The following COQ9 variants were observed in gnomAD, a reference collection of about 807,000 sequenced individuals.
The protein encoded by COQ9 is ubiquinone biosynthesis protein COQ9, mitochondrial.
Under a neutral mutation model 42.4 loss-of-function variants are expected in COQ9, and 35 were observed. That is an observed-to-expected ratio of 0.83 (90% confidence interval 0.63 to 1.10). The LOEUF is 1.10. COQ9 is among the 50% of genes least tolerant of loss of function. COQ9 has a pLI of 0.00. For missense variants in COQ9, 406 were observed against 414.6 expected (o/e 0.98, Z 0.18); for synonymous variants, 155 against 155.1 (o/e 1.00, Z 0.00).
rs2030523165 is a variant in COQ9 at position 57,460,963 on chromosome 16, G to A, written c.*339G>A. ...ACAATCTCATGGGCACCTTGATCAT[G>A]TCTTAACCTTCCCTTAACCTTGGGG... is the stretch of plus-strand genomic sequence containing the variant. On this transcript the variant is annotated 3_prime_UTR_variant, in exon 9 of 9. Coordinates refer to ENST00000262507, the MANE Select transcript of COQ9 (RefSeq NM_020312.4). 2.6e-6 allele frequency: 1 copy of A among 379,444 alleles called. No individual in the cohort carries two copies. The highest frequency in any genetic ancestry group is 5.1e-6 in the Non-Finnish European group (1 of 196,320). 23.5% of individuals were successfully genotyped at this position (379,444 alleles called of 1,614,324 possible).
rs555283140 is a variant in COQ9 at position 57,448,235 on chromosome 16, T to C, written c.73+657T>C. Among the ~76,000 whole-genome samples, 4 of 152,358 alleles carry C rather than the reference T, an allele frequency of 2.6e-5. No individual in the cohort carries two copies. The East Asian group carries it at 5.8e-4, about 22-fold the overall frequency. On this transcript the variant is annotated intron_variant, in intron 1 of 8. Coordinates refer to ENST00000262507, the MANE Select transcript of COQ9 (RefSeq NM_020312.4). Reference sequence around the variant, plus strand: ...CCTCAGTGGTACTACAGTCATACTTTGCATCTGCTCCTTCCTTTTCAAAGT... The same window carrying C: ...CCTCAGTGGTACTACAGTCATACTTCGCATCTGCTCCTTCCTTTTCAAAGT...
intron 2 of COQ9, among the ~76,000 whole-genome samples, chr16:57,451,652 A>G (rs373010748): frequency 2.6e-4 from 40 of 152,378 alleles, no homozygotes; most frequent in African/African-American, 9.4e-4. Flanking sequence ...CTTATTTCAT[A>G]TGTAAATTTT....
Position 57,460,675 on chromosome 16 carries a change from G to A in COQ9, c.*51G>A. 3 of 1,562,394 alleles carry A rather than the reference G, an allele frequency of 1.9e-6. No individual in the cohort carries two copies. The highest frequency in any genetic ancestry group is 2.2e-5 in the South Asian group (2 of 89,944). ...CTAGAAGAGAATGAGCGGACAGATT[G>A]AAAGAGCTTTGAAAAGTATAAGGTG... On this transcript the variant is annotated 3_prime_UTR_variant, in exon 9 of 9. Coordinates refer to ENST00000262507, the MANE Select transcript of COQ9 (RefSeq NM_020312.4).
chr16:57,455,701 C>T (rs574660828), intron 3 of COQ9, among the ~76,000 whole-genome samples: 11 of 151,912 alleles, frequency 7.2e-5, no homozygotes, highest in Admixed American at 1.3e-4. Context: ...AGTGGCGAGG[C>T]GTTTGGCTGC....
At chr16:57,448,863 A>G (rs192491196) in intron 1 of COQ9, among the ~76,000 whole-genome samples, 2 of 152,324 alleles carry the variant, frequency 1.3e-5, no homozygotes, top group African/African-American at 4.8e-5. Flanking sequence ...ATAGTAGCCA[A>G]ACACAGAAAC....
At position 57,447,507 on chromosome 16, in the gene COQ9, T is replaced by TGGC. The variant is rs746939021; in HGVS notation, c.14_16dup (p.Ala5dup). 1.3e-5 allele frequency: 17 copies of TGGC among 1,274,356 alleles called. No individual in the cohort carries two copies. The highest frequency in any genetic ancestry group is 3.4e-5 in the East Asian group (1 of 29,356). 78.9% of individuals were successfully genotyped at this position (1,274,356 alleles called of 1,614,324 possible). A position where few individuals can be genotyped will look rare whatever the true frequency, so the allele number is the denominator to read the frequency against. On this transcript the variant is annotated inframe_insertion, in exon 1 of 9. Transcript: ENST00000262507. ...GTGGGCGACGTGCCCGCTTCCAAAATGGCGGCGGCGGCGGTATCTGGTGCG... is the reference window on the plus strand; with the variant it reads ...GTGGGCGACGTGCCCGCTTCCAAAATGGCGGCGGCGGCGGCGGTATCTGGTGCG...
intron 5 of COQ9, among the ~76,000 whole-genome samples, chr16:57,457,838 G>T (rs1217206075): frequency 6.6e-6 from 1 of 152,218 alleles, no homozygotes; most frequent in African/African-American, 2.4e-5. Context: ...CTCCCCAGTG[G>T]ATGTAGCATT....
intron 2 of COQ9, among the ~76,000 whole-genome samples, chr16:57,452,374 G>A (rs1345389446): frequency 1.3e-5 from 2 of 152,246 alleles, no homozygotes; most frequent in Non-Finnish European, 2.9e-5. Flanking sequence ...GGGCGCGGTG[G>A]CTCGCGCCTA....
intron 1 of COQ9, among the ~76,000 whole-genome samples, chr16:57,448,601 C>T (rs1047331221): frequency 9.9e-5 from 15 of 151,752 alleles, no homozygotes; most frequent in African/African-American, 1.7e-4. Flanking sequence ...TTTTAGTAGA[C>T]GGGGTTTCAC....
chr16:57,457,184 T>TA (rs1316182631), intron 5 of COQ9, 169 bp downstream of exon 5: 1 of 698,100 alleles, frequency 1.4e-6, no homozygotes. Context: ...AACTTGGACA[T>TA]ACCAAAGAGA....
chr16:57,451,188 G>A lies in COQ9; in HGVS notation c.222G>A (p.Glu74=). The A allele has an allele frequency of 6.2e-7, 1 of 1,614,186 alleles. No homozygotes were observed. Among genetic ancestry groups the A allele is most frequent in the Non-Finnish European group, 8.5e-7 (1 of 1,180,028 alleles). The part of the protein sequence containing the change: ...ETQGAEKPDP[E]SSHSPPRYTD... ...AGGGGGCAGAAAAACCTGATCCAGA[G>A]TCTTCTCATTCACCCCCCAGGTAGG... The change falls in exon 2 of 9, where the codon GAG becomes GAA. Residue 74 remains glutamate (E), a synonymous_variant. Coordinates refer to ENST00000262507, the MANE Select transcript of COQ9 (RefSeq NM_020312.4).
In COQ9 at chr16:57,459,685, A is replaced by C; in HGVS notation, c.832A>C (p.Asn278His). ...DTWRFLENRVNDAMNMGHTAK... is the reference protein window; with the variant it reads ...DTWRFLENRVHDAMNMGHTAK... Reference sequence around the variant, plus strand: ...TTGGCGCTTCCTGGAAAACCGGGTTAATGATGCAATGAACATGGGCCACAC... The same window carrying C: ...TTGGCGCTTCCTGGAAAACCGGGTTCATGATGCAATGAACATGGGCCACAC... Residue 278 changes from asparagine (N) to histidine (H), a missense_variant, in exon 7 of 9, where the codon AAT (asparagine) becomes CAT (histidine). Coordinates refer to ENST00000262507, the MANE Select transcript of COQ9 (RefSeq NM_020312.4). 6.2e-7 allele frequency: 1 copy of C among 1,614,192 alleles called. No individual in the cohort carries two copies. Among genetic ancestry groups the C allele is most frequent in the Non-Finnish European group, 8.5e-7 (1 of 1,180,030 alleles).
intron 3 of COQ9, 155 bp downstream of exon 3, chr16:57,453,091 T>C (rs2030326251): frequency 1.1e-6 from 1 of 924,812 alleles, no homozygotes; most frequent in Admixed American, 2.0e-5. Context: ...AGGGTGGAAC[T>C]GGCTTTATTT....
At chr16:57,452,296 C>T (rs751103957) in intron 2 of COQ9, among the ~76,000 whole-genome samples, 1 of 152,214 alleles carries the variant, frequency 6.6e-6, no homozygotes. Context: ...GATTCCTCTC[C>T]GTGCCTATGG....
intron 1 of COQ9, 129 bp from the exon 2 acceptor site, chr16:57,450,911 C>T: frequency 9.7e-7 from 1 of 1,035,100 alleles, no homozygotes; most frequent in South Asian, 1.4e-5. Flanking sequence ...TGTGTGGGAC[C>T]CAACACTTGG....
intron 3 of COQ9, among the ~76,000 whole-genome samples, chr16:57,455,355 G>A (rs1488027101): frequency 3.1e-5 from 2 of 65,054 alleles, no homozygotes; most frequent in Admixed American, 1.4e-4. Flanking sequence ...ACACATTTGG[G>A]CATATATATA....
chr16:57,458,233 A>G lies in COQ9; in HGVS notation c.607-13A>G. The G allele has an allele frequency of 1.9e-6, 3 of 1,593,304 alleles. No individual in the cohort carries two copies. ...TGTGAGCAGAGCTTACTCCTCTGCC[A>G]TTCTCTCTCCAGGCCCTCAGCATCC... is the stretch of plus-strand genomic sequence containing the variant. On this transcript the variant is annotated splice_polypyrimidine_tract_variant and intron_variant, in intron 5 of 8. Transcript: ENST00000262507.
chr16:57,460,220 A>G, intron 8 of COQ9, 116 bp downstream of exon 8: 1 of 1,080,102 alleles, frequency 9.3e-7, no homozygotes, highest in Non-Finnish European at 1.4e-6. Context: ...TAATCTAATA[A>G]TAAGGCTGAC....
chr16:57,456,870 G>T, intron 4 of COQ9, 61 bp from the exon 5 acceptor site: 10 of 1,470,506 alleles, frequency 6.8e-6, no homozygotes, highest in East Asian at 4.5e-5. Context: ...TGAGTAAACC[G>T]TGGAGCACTG....
Sources: allele counts gnomAD v4.1 joint callset (sites outside exome capture counted in the v4.1 genomes callset), GRCh38; gene constraint gnomAD v4.1.1; transcripts MANE v1.5; gene names NCBI Gene and HGNC (gene_info 2026-07-23, HGNC 2026-07-21).